The following HHIP variants were observed in gnomAD, a reference collection of about 807,000 sequenced individuals.
HHIP encodes the protein hedgehog-interacting protein.
HHIP carries 12 observed loss-of-function variants against 74.0 expected under a neutral mutation model. That is an observed-to-expected ratio of 0.16 (90% confidence interval 0.10 to 0.26). The LOEUF is 0.26. HHIP is among the 10% of genes least tolerant of loss of function. The pLI, the probability that HHIP is intolerant of heterozygous loss-of-function variation, is 1.00. For missense variants in HHIP, 788 were observed against 845.0 expected, an observed-to-expected ratio of 0.93 and a Z score of 0.84; for synonymous variants, 309 against 311.6, an observed-to-expected ratio of 0.99 and a Z score of 0.09.
intron 2 of HHIP, among the ~76,000 whole-genome samples, chr4:144,656,621 G>A (rs889789075): frequency 6.6e-6 from 1 of 152,008 alleles, no homozygotes; most frequent in East Asian, 1.9e-4. Context: ...TAACCCTTCT[G>A]GCAAACATCA....
rs7696711 is a variant in HHIP, at chr4:144,706,431, T to C, written c.832-100T>C. ...AAAAGAAAGGAGGTTGGGCAAAGAT[T>C]ATCCAAAAGAAAGAAAGAGACTCTT... On this transcript the variant is annotated intron_variant, in intron 4 of 12. Coordinates refer to ENST00000296575, the MANE Select transcript of HHIP (RefSeq NM_022475.3). 9.7e-4 allele frequency: 945 copies of C among 978,374 alleles called. 10 individuals carry two copies. The African/African-American group carries it at 0.014, about 15-fold the overall frequency. 60.6% of individuals were successfully genotyped at this position (978,374 alleles called of 1,614,324 possible). A position where few individuals can be genotyped will look rare whatever the true frequency, so the allele number is the denominator to read the frequency against.
chr4:144,663,129 TA>T (rs1560696692), intron 4 of HHIP, among the ~76,000 whole-genome samples: 1 of 151,710 alleles, frequency 6.6e-6, no homozygotes, highest in Admixed American at 6.6e-5. Context: ...CTAATAAAAT[TA>T]CAAAAAAAAT....
At chr4:144,665,585 T>G (rs1728838401) in intron 4 of HHIP, among the ~76,000 whole-genome samples, 1 of 152,236 alleles carries the variant, frequency 6.6e-6, no homozygotes, top group Non-Finnish European at 1.5e-5. Flanking sequence ...AAAAGTCCCT[T>G]AATAATGTGA....
chr4:144,652,896 C>A, intron 2 of HHIP, 99 bp downstream of exon 2: 1 of 803,746 alleles, frequency 1.2e-6, no homozygotes, highest in Non-Finnish European at 1.9e-6. Context: ...TAAAATTTAT[C>A]TTGCCTTTAA....
In HHIP at chr4:144,734,775, C is replaced by A. The variant is rs1731060274; in HGVS notation, c.1795C>A (p.Gln599Lys). The change falls in exon 12 of 13, where the codon CAA (glutamine) becomes AAA (lysine). Residue 599 changes from glutamine (Q) to lysine (K), a missense_variant. Physicochemically the swap from Gln to Lys is moderately conservative, Grantham distance 53 (BLOSUM62 1). Transcript: ENST00000296575. Reference sequence around the variant, plus strand: ...GCCTGAGGAATGCAGAGCCACGGTACAACCTGCACAGACACTGACTTCAGA... The same window carrying A: ...GCCTGAGGAATGCAGAGCCACGGTAAAACCTGCACAGACACTGACTTCAGA... ...LMPEECRATV[Q>K]PAQTLTSECS... The A allele has an allele frequency of 6.2e-7, 1 of 1,605,918 alleles. No homozygotes were observed. The highest frequency in any genetic ancestry group is 1.1e-5 in the South Asian group (1 of 90,288).
chr4:144,737,840 T>C lies in HHIP; in HGVS notation c.1986T>C (p.Leu662=). 6.2e-7 allele frequency: 1 copy of C among 1,613,958 alleles called. No homozygotes were observed. The highest frequency in any genetic ancestry group is 8.5e-7 in the Non-Finnish European group (1 of 1,179,846). ...PNKCLCKKGY[L]GPQCEQVDRN... ...AGTGCCTCTGTAAAAAAGGATATCT[T>C]GGTCCTCAATGTGAACAAGTGGACA... The change falls in exon 13 of 13, where the codon CTT becomes CTC. Residue 662 remains leucine, a synonymous_variant. Transcript: ENST00000296575.
At chr4:144,729,772 G>A (rs1272819371) in intron 11 of HHIP, among the ~76,000 whole-genome samples, 1 of 151,846 alleles carries the variant, frequency 6.6e-6, no homozygotes, top group Non-Finnish European at 1.5e-5. Context: ...GTCTAAGACA[G>A]GCTACAGAAT....
At chr4:144,723,395 A>C (rs1578725748) in intron 11 of HHIP, among the ~76,000 whole-genome samples, 1 of 151,864 alleles carries the variant, frequency 6.6e-6, no homozygotes, top group Non-Finnish European at 1.5e-5. Flanking sequence ...TAATATCTTC[A>C]TCCTACTTCT....
chr4:144,650,104 GC>G (rs1728377415), intron 1 of HHIP, among the ~76,000 whole-genome samples: 1 of 152,030 alleles, frequency 6.6e-6, no homozygotes, highest in African/African-American at 2.4e-5. Flanking sequence ...GCTGCCTTTT[GC>G]CCTCTTTGTT....
chr4:144,665,818 G>A (rs1425855310), intron 4 of HHIP, among the ~76,000 whole-genome samples: 1 of 152,182 alleles, frequency 6.6e-6, no homozygotes, highest in South Asian at 2.1e-4. Context: ...TTCTCCAGTT[G>A]AGTAGAGAAA....
At chr4:144,667,883 C>G (rs1372874745) in intron 4 of HHIP, among the ~76,000 whole-genome samples, 1 of 152,140 alleles carries the variant, frequency 6.6e-6, no homozygotes, top group Non-Finnish European at 1.5e-5. Flanking sequence ...TTTTTGCCCA[C>G]TAGCAACTAT....
chr4:144,678,020 G>T (rs1729220362), intron 4 of HHIP, among the ~76,000 whole-genome samples: 1 of 152,172 alleles, frequency 6.6e-6, no homozygotes, highest in Admixed American at 6.5e-5. Flanking sequence ...CTTCTAAGTT[G>T]CAGAAAATGG....
At chr4:144,695,714 T>C (rs1282776187) in intron 4 of HHIP, among the ~76,000 whole-genome samples, 1 of 151,880 alleles carries the variant, frequency 6.6e-6, no homozygotes, top group Non-Finnish European at 1.5e-5. Flanking sequence ...AGCAAAGTTA[T>C]GGGTGTTTCA....
At chr4:144,690,463 C>A (rs1198876596) in intron 4 of HHIP, among the ~76,000 whole-genome samples, 1 of 152,164 alleles carries the variant, frequency 6.6e-6, no homozygotes, top group Non-Finnish European at 1.5e-5. Flanking sequence ...AGTGCTGGAG[C>A]TGGTCTTAAA....
intron 11 of HHIP, among the ~76,000 whole-genome samples, chr4:144,725,356 A>G (rs1003300816): frequency 1.3e-5 from 2 of 152,202 alleles, no homozygotes; most frequent in East Asian, 3.9e-4. Flanking sequence ...GAACATCAAA[A>G]TTTGGAAATT....
rs1728277979 is a variant in HHIP at position 144,646,875 on chromosome 4, T to C, written c.200T>C (p.Met67Thr). 6.2e-7 allele frequency: 1 copy of C among 1,614,162 alleles called. No homozygotes were observed. The highest frequency in any genetic ancestry group is 8.5e-7 in the Non-Finnish European group (1 of 1,180,032). ...SQLELLSGGE[M>T]LCGGFYPRLS... ...CTGGAGCTGCTGAGTGGGGGAGAGATGCTGTGCGGTGGCTTCTACCCTCGG... is the reference window on the plus strand; with the variant it reads ...CTGGAGCTGCTGAGTGGGGGAGAGACGCTGTGCGGTGGCTTCTACCCTCGG... The change falls in exon 1 of 13, where the codon ATG (methionine) becomes ACG (threonine). Residue 67 changes from methionine (M) to threonine (T), a missense_variant. Met to Thr is a moderately conservative substitution (Grantham distance 81, BLOSUM62 -1). Transcript: ENST00000296575.
intron 2 of HHIP, among the ~76,000 whole-genome samples, chr4:144,653,087 G>T (rs1489758): frequency 0.27 from 40,254 of 151,850 alleles, 6,484 homozygotes; most frequent in Non-Finnish European, 0.37. Context: ...TACACACGTT[G>T]GATTCTCAAT....
rs945482398 is a variant in HHIP, at chr4:144,743,159, T to C, written c.*5202T>C. The C allele has an allele frequency of 4.7e-5, 7 of 150,324 alleles. No individual in the cohort carries two copies. The highest frequency in any genetic ancestry group is 1.7e-4 in the African/African-American group (7 of 40,958). The allele number at this position is 150,324 out of a possible 1,614,324, so 9.3% of individuals were successfully genotyped here. On this transcript the variant is annotated 3_prime_UTR_variant, in exon 13 of 13. Coordinates refer to ENST00000296575, the MANE Select transcript of HHIP (RefSeq NM_022475.3). ...ATAAGTTCTGGACTTCACCTTAAAA[T>C]AAGTTTTTAGGAGAGTAATATATAT... is the stretch of plus-strand genomic sequence containing the variant.
In HHIP at chr4:144,651,641, T is replaced by C. The variant is rs1455488496; in HGVS notation, c.280-964T>C. ...TGATGTTTTTAATATAAAAAATCAA[T>C]ACTTGATTTTGACAGCACTACATTT... On this transcript the variant is annotated intron_variant, in intron 1 of 12. Coordinates refer to ENST00000296575, the MANE Select transcript of HHIP (RefSeq NM_022475.3). Among the ~76,000 whole-genome samples the C allele has an allele frequency of 2.0e-5, 3 of 152,176 alleles. No homozygotes were observed. The East Asian group carries it at 5.8e-4, about 29-fold the overall frequency.
Sources: allele counts gnomAD v4.1 joint callset (sites outside exome capture counted in the v4.1 genomes callset), GRCh38; gene constraint gnomAD v4.1.1; transcripts MANE v1.5; gene names NCBI Gene and HGNC (gene_info 2026-07-23, HGNC 2026-07-21).